DPH5: variants seen among roughly 807,000 people sequenced by gnomAD.
DPH5 encodes the protein diphthamide biosynthesis 5, also known as diphthine methyl ester synthase.
In DPH5, 31 loss-of-function variants were observed where a neutral mutation model predicts 31.6. The ratio of observed to expected loss-of-function variants is 0.98; its 90% confidence interval spans 0.74 to 1.32. The LOEUF (loss-of-function observed/expected upper bound fraction) is 1.32. Among genes scored for constraint, DPH5 ranks in the 40% most tolerant of loss-of-function variants. The pLI is 0.00. For synonymous variants in DPH5, 120 were observed against 115.0 expected (o/e 1.04, Z -0.28); for missense variants, 309 against 335.7 (o/e 0.92, Z 0.62).
chr1:100,998,533 A>G (rs2101170189), intron 5 of DPH5, among the ~76,000 whole-genome samples: 1 of 152,052 alleles, frequency 6.6e-6, no homozygotes, highest in Admixed American at 6.6e-5. Flanking sequence ...AAGGAATTAA[A>G]AGGAGTGTAT....
chr1:101,011,102 A>C (rs1659599008), intron 4 of DPH5, among the ~76,000 whole-genome samples: 1 of 152,368 alleles, frequency 6.6e-6, no homozygotes, highest in African/African-American at 2.4e-5. Flanking sequence ...TAGTCCAAAA[A>C]GTAAAGAGAA....
intron 4 of DPH5, among the ~76,000 whole-genome samples, chr1:101,006,360 G>GA (rs1280492341): frequency 6.6e-6 from 1 of 151,638 alleles, no homozygotes; most frequent in Non-Finnish European, 1.5e-5. Context: ...TATGAAGTAG[G>GA]AAAAAAATGA....
In DPH5 at chr1:101,001,482, T is replaced by A; in HGVS notation, c.475A>T (p.Thr159Ser). Reference protein sequence around the residue: ...VKKNRQNGMHTLCLLDIKVKE... With the variant: ...VKKNRQNGMHSLCLLDIKVKE... ...AAACCCTTACCTAGTAAACATAATG[T>A]GTGCATGCCATTTTGTCTGTTCTTC... The change falls in exon 5 of 8, where the codon ACA (threonine) becomes TCA (serine). Residue 159 changes from threonine (T) to serine (S), a missense_variant. Coordinates refer to ENST00000370109, the MANE Select transcript of DPH5 (RefSeq NM_015958.3). The A allele has an allele frequency of 6.2e-7, 1 of 1,613,576 alleles. No homozygotes were observed. The highest frequency in any genetic ancestry group is 8.5e-7 in the Non-Finnish European group (1 of 1,179,754).
intron 4 of DPH5, among the ~76,000 whole-genome samples, chr1:101,012,432 C>G (rs1251929845): frequency 6.6e-6 from 1 of 152,184 alleles, no homozygotes; most frequent in Non-Finnish European, 1.5e-5. Context: ...TTGGACACCC[C>G]CAGAAGGGAA....
chr1:101,010,200 G>A (rs1192085570), intron 4 of DPH5, among the ~76,000 whole-genome samples: 1 of 152,208 alleles, frequency 6.6e-6, no homozygotes, highest in Non-Finnish European at 1.5e-5. Context: ...AACAGTATTT[G>A]TTGAATGAAT....
At chr1:100,997,234 TC>T (rs1476006146) in intron 5 of DPH5, among the ~76,000 whole-genome samples, 1 of 152,218 alleles carries the variant, frequency 6.6e-6, no homozygotes, top group African/African-American at 2.4e-5. Context: ...CGTCTACACT[TC>T]CTTAGTATTC....
At chr1:101,000,209 C>T (rs1263137530) in intron 5 of DPH5, among the ~76,000 whole-genome samples, 2 of 151,490 alleles carry the variant, frequency 1.3e-5, no homozygotes, top group Admixed American at 1.3e-4. Context: ...ATTTAATATA[C>T]AGAGGCCAAA....
chr1:101,008,225 C>T (rs763483071), intron 4 of DPH5, among the ~76,000 whole-genome samples: 23 of 152,254 alleles, frequency 1.5e-4, no homozygotes, highest in Admixed American at 4.6e-4. Flanking sequence ...AAATGAACTA[C>T]TCTTAAGTAA....
chr1:101,004,154 G>A (rs1396062974), intron 4 of DPH5, among the ~76,000 whole-genome samples: 1 of 152,160 alleles, frequency 6.6e-6, no homozygotes, highest in African/African-American at 2.4e-5. Flanking sequence ...TGCTCTCCAG[G>A]ACCCTGATTT....
intron 6 of DPH5, among the ~76,000 whole-genome samples, chr1:100,994,673 C>T (rs969275056): frequency 2.0e-5 from 3 of 151,982 alleles, no homozygotes; most frequent in Non-Finnish European, 2.9e-5. Flanking sequence ...ATTAAAGGCA[C>T]GTGCCACCAC....
intron 4 of DPH5, among the ~76,000 whole-genome samples, chr1:101,007,436 G>A (rs991272780): frequency 3.9e-5 from 6 of 152,076 alleles, no homozygotes; most frequent in South Asian, 2.1e-4. Context: ...GACTTTGGCC[G>A]GGCGCGGTGG....
intron 7 of DPH5, 84 bp from the exon 8 acceptor site, chr1:100,990,715 A>G (rs533628454): frequency 5.0e-4 from 640 of 1,283,418 alleles, no homozygotes; most frequent in Non-Finnish European, 6.8e-4. Context: ...TACCACAAGT[A>G]CATTTCAAGA....
At position 101,021,009 on chromosome 1, in the gene DPH5, C is replaced by T. The variant is rs148603710; in HGVS notation, c.260+632G>A. On this transcript the variant is annotated intron_variant, in intron 3 of 7. Transcript: ENST00000370109. ...TACATGGTCCTTATGTTCCTTAAAT[C>T]TGTGATATAAATCTTAGGTAACCAG... 2.2e-3 allele frequency among the ~76,000 whole-genome samples: 335 copies of T among 152,260 alleles called. 1 individual carries two copies. Among genetic ancestry groups the T allele is most frequent in the Non-Finnish European group, 3.3e-3 (227 of 68,022 alleles).
rs1269819610 is a variant in DPH5 at position 100,993,559 on chromosome 1, A to AATAAATAT, written c.531-820_531-819insATATTTAT. ...AGAGCAAGACTCTGTCGAAAATATA[A>AATAAATAT]ATATATATATATATATATATATATA... On this transcript the variant is annotated intron_variant, in intron 6 of 7. Transcript: ENST00000370109. Among the ~76,000 whole-genome samples, 10 of 56,546 alleles carry AATAAATAT rather than the reference A, an allele frequency of 1.8e-4. 1 individual carries two copies. Among genetic ancestry groups the AATAAATAT allele is most frequent in the Non-Finnish European group, 1.4e-4 (4 of 29,066 alleles). The allele number at this position is 56,546 out of a possible 152,430, so 37.1% of individuals were successfully genotyped here.
intron 7 of DPH5, among the ~76,000 whole-genome samples, chr1:100,991,788 C>CAAAAAAAAAAAAAAAAAAAAAAAAA (rs71084857): frequency 9.9e-6 from 1 of 101,066 alleles, no homozygotes; most frequent in Non-Finnish European, 2.0e-5. Context: ...GACCCCATCT[C>CAAAAAAAAAAAAAAAAAAAAAAAAA]AAAAAAAAAA....
intron 4 of DPH5, among the ~76,000 whole-genome samples, chr1:101,005,128 T>C (rs76164425): frequency 1.3e-3 from 202 of 152,362 alleles, no homozygotes; most frequent in East Asian, 9.2e-3. Flanking sequence ...TTTAGAAGCA[T>C]AGATGCTTTG....
chr1:101,012,796 A>G (rs1198564223), intron 4 of DPH5, among the ~76,000 whole-genome samples: 1 of 152,244 alleles, frequency 6.6e-6, no homozygotes, highest in Non-Finnish European at 1.5e-5. Flanking sequence ...CACAGGCAAC[A>G]TTTTGACATA....
chr1:101,018,129 G>T (rs377746231), intron 3 of DPH5, among the ~76,000 whole-genome samples: 29 of 151,990 alleles, frequency 1.9e-4, no homozygotes, highest in African/African-American at 6.8e-4. Context: ...CTTGTTACTT[G>T]AAATTGTTCT....
chr1:101,014,165 G>A (rs572991106), intron 3 of DPH5, among the ~76,000 whole-genome samples: 1 of 152,260 alleles, frequency 6.6e-6, no homozygotes, highest in East Asian at 1.9e-4. Context: ...TAAGCTCTTT[G>A]GTCTCAGAGC....
Sources: gnomAD v4.1 joint callset for allele counts (sites outside exome capture counted in the v4.1 genomes callset) on GRCh38, gnomAD v4.1.1 for gene constraint, MANE v1.5 for transcripts, NCBI Gene and HGNC (gene_info 2026-07-23, HGNC 2026-07-21) for gene names.